ZNG1B: variants seen among roughly 807,000 people sequenced by gnomAD.
ZNG1B encodes Zn regulated GTPase metalloprotein activator 1B, also known as zinc-regulated GTPase metalloprotein activator 1B.
At chr2:113,460,794 C>T in the ZNG1B span, 24 of 1,561,960 alleles carry the variant, frequency 1.5e-5, no homozygotes, top group Non-Finnish European at 2.1e-5. Flanking sequence ...AAACCAAAAA[C>T]AAACTAAGAA....
the ZNG1B span, among the ~76,000 whole-genome samples, chr2:113,492,170 G>A: frequency 1.4e-5 from 2 of 139,614 alleles, no homozygotes; most frequent in Admixed American, 7.7e-5. Context: ...GTCATTATAC[G>A]AAAAAGATAC....
At chr2:113,477,804 T>G in the ZNG1B span, among the ~76,000 whole-genome samples, 1 of 152,266 alleles carries the variant, frequency 6.6e-6, no homozygotes. Context: ...TTATACCCCT[T>G]GAATAGCAGC....
At chr2:113,477,494 T>C in the ZNG1B span, among the ~76,000 whole-genome samples, 1 of 152,212 alleles carries the variant, frequency 6.6e-6, no homozygotes, top group Non-Finnish European at 1.5e-5. Context: ...TCTCTCACGC[T>C]GGGAGCTGTA....
chr2:113,449,292 A>G, the ZNG1B span, among the ~76,000 whole-genome samples: 1 of 151,300 alleles, frequency 6.6e-6, no homozygotes, highest in Non-Finnish European at 1.5e-5. Context: ...ATTTCCTTCA[A>G]GAACTTTTCC....
At chr2:113,454,553 G>A in the ZNG1B span, among the ~76,000 whole-genome samples, 2,227 of 149,386 alleles carry the variant, frequency 0.015, 58 homozygotes, top group East Asian at 0.11. Context: ...CTCAGGAAAT[G>A]CATTGACTTA....
At chr2:113,456,969 A>C in the ZNG1B span, 1 of 453,732 alleles carries the variant, frequency 2.2e-6, no homozygotes, top group Non-Finnish European at 4.4e-6. Context: ...GTGGCCAGCC[A>C]GCCAAATTGA....
chr2:113,446,713 C>T, the ZNG1B span, among the ~76,000 whole-genome samples: 1 of 151,810 alleles, frequency 6.6e-6, no homozygotes, highest in Non-Finnish European at 1.5e-5. Context: ...CGCCACTGCA[C>T]TCCAGCCCAG....
the ZNG1B span, among the ~76,000 whole-genome samples, chr2:113,440,178 C>T: frequency 6.6e-6 from 1 of 152,106 alleles, no homozygotes; most frequent in Non-Finnish European, 1.5e-5. Context: ...GCCACCGCGC[C>T]CGGCCCCCTT....
the ZNG1B span, chr2:113,447,723 T>C: frequency 6.8e-6 from 3 of 439,526 alleles, no homozygotes; most frequent in Admixed American, 7.3e-5. Context: ...ACAGTGTTCA[T>C]AGCATCTTCA....
the ZNG1B span, among the ~76,000 whole-genome samples, chr2:113,464,762 C>T: frequency 6.7e-6 from 1 of 150,362 alleles, no homozygotes; most frequent in Admixed American, 6.7e-5. Context: ...AAGTGACCAC[C>T]GTAAAAATTT....
At chr2:113,459,652 T>C in the ZNG1B span, among the ~76,000 whole-genome samples, 1 of 151,758 alleles carries the variant, frequency 6.6e-6, no homozygotes, top group African/African-American at 2.4e-5. Context: ...CCCATAATTA[T>C]TATGAAAGCT....
chr2:113,458,487 T>G, the ZNG1B span, among the ~76,000 whole-genome samples: 1 of 148,466 alleles, frequency 6.7e-6, no homozygotes, highest in Non-Finnish European at 1.5e-5. Context: ...TGGGGTGATT[T>G]TCATTTATTT....
the ZNG1B span, among the ~76,000 whole-genome samples, chr2:113,439,740 T>A: frequency 1.4e-4 from 21 of 152,106 alleles, no homozygotes; most frequent in Non-Finnish European, 3.1e-4. Flanking sequence ...GGTACTTTTT[T>A]ACTGTGACTC....
chr2:113,478,289 AT>A, the ZNG1B span, among the ~76,000 whole-genome samples: 1 of 151,350 alleles, frequency 6.6e-6, no homozygotes, highest in Non-Finnish European at 1.5e-5. Context: ...TTATTTATTT[AT>A]TTTTTTGAGA....
chr2:113,482,351 T>A, the ZNG1B span: 2 of 1,500,260 alleles, frequency 1.3e-6, no homozygotes. Flanking sequence ...ATTTTTGAAC[T>A]GTATTGATAA....
chr2:113,439,547 G>A, the ZNG1B span, among the ~76,000 whole-genome samples: 1 of 152,112 alleles, frequency 6.6e-6, no homozygotes, highest in African/African-American at 2.4e-5. Flanking sequence ...CTTTATAAAT[G>A]TCAATCCGAC....
At chr2:113,442,840 G>T in the ZNG1B span, among the ~76,000 whole-genome samples, 1 of 152,050 alleles carries the variant, frequency 6.6e-6, no homozygotes, top group African/African-American at 2.4e-5. Context: ...TCACCGTTTG[G>T]TATATTTCTT....
the ZNG1B span, among the ~76,000 whole-genome samples, chr2:113,439,874 A>T: frequency 7.7e-3 from 524 of 68,398 alleles, no homozygotes; most frequent in Middle Eastern, 0.019. Context: ...CCTTCCCTTA[A>T]TTTTTTTTTT....
the ZNG1B span, chr2:113,447,895 T>G: frequency 2.2e-5 from 10 of 453,676 alleles, no homozygotes; most frequent in Non-Finnish European, 3.5e-5. Context: ...CATCTGCAGT[T>G]ATTTCCTCCA....
Sources: gnomAD v4.1 joint callset for allele counts (sites outside exome capture counted in the v4.1 genomes callset) on GRCh38, gnomAD v4.1.1 for gene constraint, MANE v1.5 for transcripts, NCBI Gene and HGNC (gene_info 2026-07-23, HGNC 2026-07-21) for gene names.